The following ALKBH2 variants were observed in gnomAD, a reference collection of about 807,000 sequenced individuals.
ALKBH2 encodes the protein alkB homolog 2, alpha-ketoglutarate dependent dioxygenase, also known as DNA oxidative demethylase ALKBH2.
Under a neutral mutation model 19.7 loss-of-function variants are expected in ALKBH2, and 19 were observed. That is an observed-to-expected ratio of 0.97 (90% CI 0.67 to 1.42). The LOEUF (loss-of-function observed/expected upper bound fraction) is 1.42. ALKBH2 is among the 40% of genes most tolerant of loss of function. ALKBH2 has a pLI of 0.00. For missense variants in ALKBH2, 310 were observed against 328.5 expected (o/e 0.94, Z 0.43); for synonymous variants, 135 against 131.2 (o/e 1.03, Z -0.20).
chr12:109,092,648 C>T lies in ALKBH2; in HGVS notation c.139G>A (p.Gly47Arg). Residue 47 changes from glycine (G) to arginine (R), a missense_variant, in exon 2 of 4, where the codon GGG becomes AGG. Coordinates refer to ENST00000429722, the MANE Select transcript of ALKBH2 (RefSeq NM_001145374.2). ...GGGCCTGCTGAGTGGCCTCCATTCC[C>T]TGGGGCCTCTCTCCTGGGCCTCTTC... is the stretch of plus-strand genomic sequence containing the variant. ...TRKRPRREAP[G>R]NGGHSAGPSW... 6.2e-7 allele frequency: 1 copy of T among 1,614,220 alleles called. No homozygotes were observed. The highest frequency in any genetic ancestry group is 8.5e-7 in the Non-Finnish European group (1 of 1,180,040).
chr12:109,092,811 C>G lies in ALKBH2; in HGVS notation c.-25G>C. 1 of 1,582,066 alleles carries G rather than the reference C, an allele frequency of 6.3e-7. No individual in the cohort carries two copies. The highest frequency in any genetic ancestry group is 1.2e-5 in the South Asian group (1 of 86,202). ...TCCTGTCCCCACAGGAAAGAAGGGA[C>G]GTCAGTGGCGAGGCCAAGACAGAAA... is the stretch of plus-strand genomic sequence containing the variant. On this transcript the variant is annotated 5_prime_UTR_variant, in exon 2 of 4. Coordinates refer to ENST00000429722, the MANE Select transcript of ALKBH2 (RefSeq NM_001145374.2).
intron 2 of ALKBH2, 109 bp downstream of exon 2, chr12:109,092,398 A>G (rs1453057456): frequency 2.9e-6 from 4 of 1,395,578 alleles, no homozygotes; most frequent in African/African-American, 1.5e-5. Flanking sequence ...TAGTGAACCC[A>G]TCAGTAAATA....
Position 109,088,796 on chromosome 12 carries a change from C to T in ALKBH2, c.480-284G>A, listed in dbSNP as rs143707296. ...GTGGCACAATCATAGCTCACTGCAGCCTCGGCCTCCTGGGCTCAAGTGATT... is the reference window on the plus strand; with the variant it reads ...GTGGCACAATCATAGCTCACTGCAGTCTCGGCCTCCTGGGCTCAAGTGATT... On this transcript the variant is annotated intron_variant, in intron 3 of 3. Transcript: ENST00000429722. This position sits in a 1 kb window ranked among gnomAD's most constrained non-coding sequence, Gnocchi z 4.2. Among the ~76,000 whole-genome samples the T allele has an allele frequency of 6.6e-6, 1 of 152,304 alleles. No individual in the cohort carries two copies. Among genetic ancestry groups the T allele is most frequent in the Non-Finnish European group, 1.5e-5 (1 of 68,028 alleles).
At chr12:109,091,019 A>G (rs925700566) in intron 2 of ALKBH2, among the ~76,000 whole-genome samples, 4 of 152,208 alleles carry the variant, frequency 2.6e-5, no homozygotes, top group Non-Finnish European at 4.4e-5. Context: ...ATAGCTTGTC[A>G]ACTGTAGGGA....
chr12:109,093,420 C>CGGCGCAGA lies in ALKBH2; in HGVS notation c.-333_-326dup, dbSNP rs2042095779. ...CAAGAGTGCTCTAGCATCGCAGCTCCGGCGCAGATCGGAATCCCGCAGTCA... is the reference window on the plus strand; with the variant it reads ...CAAGAGTGCTCTAGCATCGCAGCTCCGGCGCAGAGGCGCAGATCGGAATCCCGCAGTCA... On this transcript the variant is annotated 5_prime_UTR_variant, in exon 1 of 4. Coordinates refer to ENST00000429722, the MANE Select transcript of ALKBH2 (RefSeq NM_001145374.2). 2 of 152,304 alleles carry CGGCGCAGA rather than the reference C, an allele frequency of 1.3e-5. No individual in the cohort carries two copies. Among genetic ancestry groups the CGGCGCAGA allele is most frequent in the Non-Finnish European group, 2.9e-5 (2 of 68,090 alleles). The allele number at this position is 152,304 out of a possible 1,614,324, so 9.4% of individuals were successfully genotyped here. A position where few individuals can be genotyped will look rare whatever the true frequency, so the allele number is the denominator to read the frequency against.
chr12:109,092,574 G>T lies in ALKBH2; in HGVS notation c.213C>A (p.Val71=). 6.2e-7 allele frequency: 1 copy of T among 1,613,110 alleles called. No individual in the cohort carries two copies. The highest frequency in any genetic ancestry group is 8.5e-7 in the Non-Finnish European group (1 of 1,179,564). ...CATCTGCCTCAGCTTTGCCAAACAGGACTGTGTAACTGCAGTCCAGGCCCT... is the reference window on the plus strand; with the variant it reads ...CATCTGCCTCAGCTTTGCCAAACAGTACTGTGTAACTGCAGTCCAGGCCCT... The part of the protein sequence containing the change: ...RAEGLDCSYT[V]LFGKAEADEI... The change falls in exon 2 of 4, where the codon GTC becomes GTA. Residue 71 remains valine, a synonymous_variant. Coordinates refer to ENST00000429722, the MANE Select transcript of ALKBH2 (RefSeq NM_001145374.2).
rs758212493 is a variant in ALKBH2, at chr12:109,088,246, AC to A, written c.745del (p.Val249Ter). ...PVRKKVLAPRVNLTFRKILLT... is the reference protein window; with the variant it reads ...PVRKKVLAPRXNLTFRKILLT... Reference sequence around the variant, plus strand: ...CAAAATTTTACGAAAAGTCAGATTCACCCGTGGAGCCAGAACCTTCTTTCTC... The same window carrying A: ...CAAAATTTTACGAAAAGTCAGATTCACCGTGGAGCCAGAACCTTCTTTCTC... On this transcript the variant is annotated frameshift_variant, in exon 4 of 4. Transcript: ENST00000429722. LOFTEE classifies it high-confidence loss of function. The surrounding 1 kb of genome is among the most constrained non-coding windows in gnomAD (Gnocchi z 4.2). 1 of 1,605,918 alleles carries A rather than the reference AC, an allele frequency of 6.2e-7. No individual in the cohort carries two copies. Among genetic ancestry groups the A allele is most frequent in the Non-Finnish European group, 8.5e-7 (1 of 1,175,406 alleles).
rs2041998029 is a variant in ALKBH2, at chr12:109,088,308, G to GT, written c.683dup (p.His228GlnfsTer28). Reference sequence around the variant, plus strand: ...TGTGGTACCAGTGCGTGTTGGTCGGGTGGTTCATCATTAGTAAGCTCCCGT... The same window carrying GT: ...TGTGGTACCAGTGCGTGTTGGTCGGGTTGGTTCATCATTAGTAAGCTCCCGT... On this transcript the variant is annotated frameshift_variant, in exon 4 of 4. Transcript: ENST00000429722. LOFTEE classifies it high-confidence loss of function. This position sits in a 1 kb window ranked among gnomAD's most constrained non-coding sequence, Gnocchi z 4.2. The GT allele has an allele frequency of 6.2e-7, 1 of 1,614,068 alleles. No individual in the cohort carries two copies. Among genetic ancestry groups the GT allele is most frequent in the South Asian group, 1.1e-5 (1 of 91,086 alleles).
At chr12:109,092,340 C>G (rs1466086217) in intron 2 of ALKBH2, 167 bp downstream of exon 2, 3 of 1,100,224 alleles carry the variant, frequency 2.7e-6, no homozygotes, top group Non-Finnish European at 3.6e-6. Context: ...TCCCAAGCAC[C>G]TAAGGGGCTT....
intron 2 of ALKBH2, among the ~76,000 whole-genome samples, chr12:109,090,815 T>C (rs2042049969): frequency 6.6e-6 from 1 of 152,210 alleles, no homozygotes. Flanking sequence ...TCTGGGATTA[T>C]AGGTGTGCAC....
At chr12:109,089,332 A>C (rs1054285741) in intron 3 of ALKBH2, among the ~76,000 whole-genome samples, 5 of 152,018 alleles carry the variant, frequency 3.3e-5, no homozygotes, top group Non-Finnish European at 7.4e-5. Context: ...TAACCACCCC[A>C]TCTGAAGTGA....
At chr12:109,091,829 C>T (rs544085777) in intron 2 of ALKBH2, among the ~76,000 whole-genome samples, 8 of 152,322 alleles carry the variant, frequency 5.3e-5, no homozygotes, top group Admixed American at 1.3e-4. Flanking sequence ...GGATTACAGG[C>T]GCGAGCCACC....
chr12:109,089,328 C>A (rs1400364523), intron 3 of ALKBH2, among the ~76,000 whole-genome samples: 1 of 152,192 alleles, frequency 6.6e-6, no homozygotes, highest in Non-Finnish European at 1.5e-5. Context: ...CCTCTAACCA[C>A]CCCATCTGAA....
rs61745717 is a variant in ALKBH2 at position 109,092,665 on chromosome 12, G to A, written c.122C>T (p.Pro41Leu). ...TCCATTCCCTGGGGCCTCTCTCCTG[G>A]GCCTCTTCCTTGTGCTTTCTTTGTC... ...GGDKESTRKR[P>L]RREAPGNGGH... is the part of the protein sequence containing the mutation. The change falls in exon 2 of 4, where the codon CCC (proline) becomes CTC (leucine). Residue 41 changes from proline (P) to leucine (L), a missense_variant. By Grantham distance (98) the Pro-to-Leu change is moderately conservative (BLOSUM62 -3). Transcript: ENST00000429722. 4.5e-4 allele frequency: 732 copies of A among 1,614,108 alleles called. 5 individuals carry two copies. The highest frequency in any genetic ancestry group is 3.3e-3 in the African/African-American group (246 of 75,040).
intron 2 of ALKBH2, 28 bp from the exon 3 acceptor site, chr12:109,090,235 T>C (rs374023764): frequency 1.2e-6 from 2 of 1,605,142 alleles, no homozygotes; most frequent in Non-Finnish European, 1.7e-6. Flanking sequence ...GGCAGTTCCT[T>C]TCTACCTGAC....
At chr12:109,091,889 GTCC>G (rs1343839612) in intron 2 of ALKBH2, among the ~76,000 whole-genome samples, 1 of 152,152 alleles carries the variant, frequency 6.6e-6, no homozygotes, top group Non-Finnish European at 1.5e-5. Context: ...AGATCCTTGT[GTCC>G]TCATTACAGG....
At position 109,088,668 on chromosome 12, in the gene ALKBH2, A is replaced by T. The variant is rs2042008330; in HGVS notation, c.480-156T>A. ...GGGCTTGAGGTCCACAGTGGGCTCT[A>T]AGATAAGCCAACGCTGAAGAGGTCT... On this transcript the variant is annotated intron_variant, in intron 3 of 3. Transcript: ENST00000429722. The surrounding 1 kb of genome is among the most constrained non-coding windows in gnomAD (Gnocchi z 4.2). 6.6e-6 allele frequency among the ~76,000 whole-genome samples: 1 copy of T among 151,852 alleles called. No individual in the cohort carries two copies. The highest frequency in any genetic ancestry group is 2.4e-5 in the African/African-American group (1 of 41,198).
Position 109,092,732 on chromosome 12 carries a change from C to T in ALKBH2, c.55G>A (p.Glu19Lys). ...GGCTCTTCTCCAGTTGGCTCTTGCTCCTCCTGCTTCCTCAAAAGGCCCCCT... is the reference window on the plus strand; with the variant it reads ...GGCTCTTCTCCAGTTGGCTCTTGCTTCTCCTGCTTCCTCAAAAGGCCCCCT... ...AQGGLLRKQE[E>K]QEPTGEEPAV... The change falls in exon 2 of 4, where the codon GAG (glutamate) becomes AAG (lysine). Residue 19 changes from glutamate to lysine, a missense_variant. By Grantham distance (56) the Glu-to-Lys change is moderately conservative. Coordinates refer to ENST00000429722, the MANE Select transcript of ALKBH2 (RefSeq NM_001145374.2). The T allele has an allele frequency of 6.2e-7, 1 of 1,614,096 alleles. No individual in the cohort carries two copies.
chr12:109,093,110 C>T lies in ALKBH2; in HGVS notation c.-152+137G>A, dbSNP rs566240919. ...TTTAAAGAACTACCTCCTGGGAATTCGCACGCCACAGCTAAACTTAGAAAC... is the reference window on the plus strand; with the variant it reads ...TTTAAAGAACTACCTCCTGGGAATTTGCACGCCACAGCTAAACTTAGAAAC... On this transcript the variant is annotated intron_variant, in intron 1 of 3. Coordinates refer to ENST00000429722, the MANE Select transcript of ALKBH2 (RefSeq NM_001145374.2). The T allele has an allele frequency of 1.6e-4, 43 of 275,850 alleles. No homozygotes were observed. In the East Asian group the frequency reaches 3.0e-3, roughly 19 times the overall value. 17.1% of individuals were successfully genotyped at this position (275,850 alleles called of 1,614,324 possible). A position where few individuals can be genotyped will look rare whatever the true frequency, so the allele number is the denominator to read the frequency against.
Sources: allele counts gnomAD v4.1 joint callset (sites outside exome capture counted in the v4.1 genomes callset), GRCh38; gene constraint gnomAD v4.1.1; non-coding constraint Gnocchi (gnomAD v3.1); transcripts MANE v1.5; gene names NCBI Gene and HGNC (gene_info 2026-07-23, HGNC 2026-07-21).